The following CIMIP7 variants were observed in gnomAD, a reference collection of about 807,000 sequenced individuals.
The protein encoded by CIMIP7 is uncharacterized protein C3orf84.
the CIMIP7 span, among the ~76,000 whole-genome samples, chr3:49,184,217 T>C: frequency 6.6e-6 from 1 of 152,268 alleles, no homozygotes; most frequent in African/African-American, 2.4e-5. Flanking sequence ...CAGGCTGATC[T>C]TGAACTCTTG....
At chr3:49,190,075 G>A in the CIMIP7 span, 7 of 1,612,756 alleles carry the variant, frequency 4.3e-6, no homozygotes, top group African/African-American at 1.3e-5. Context: ...GCTGCAAGGT[G>A]GTATTCTCTA....
At chr3:49,178,477 C>T in the CIMIP7 span, 5 of 1,613,194 alleles carry the variant, frequency 3.1e-6, no homozygotes, top group South Asian at 4.4e-5. Context: ...GTCTTCGGCA[C>T]TCACTTTGTC....
At chr3:49,189,005 C>T in the CIMIP7 span, among the ~76,000 whole-genome samples, 5 of 149,568 alleles carry the variant, frequency 3.3e-5, no homozygotes, top group Non-Finnish European at 7.4e-5. Flanking sequence ...GCTCTTGTTG[C>T]CCAGGCTGGA....
the CIMIP7 span, among the ~76,000 whole-genome samples, chr3:49,189,611 T>G: frequency 6.6e-6 from 1 of 152,214 alleles, no homozygotes; most frequent in Non-Finnish European, 1.5e-5. Context: ...ACTACTTCCC[T>G]GACCAGAGGA....
chr3:49,190,171 C>T, the CIMIP7 span: 7 of 1,480,626 alleles, frequency 4.7e-6, no homozygotes, highest in South Asian at 6.9e-5. Flanking sequence ...ATAAAACTCA[C>T]TCAAATCTCC....
At chr3:49,185,247 C>G in the CIMIP7 span, among the ~76,000 whole-genome samples, 1 of 143,720 alleles carries the variant, frequency 7.0e-6, no homozygotes, top group Non-Finnish European at 1.5e-5. Context: ...GGTGACAGAG[C>G]AAGACTCTGT....
chr3:49,191,728 A>G, the CIMIP7 span: 12 of 1,594,362 alleles, frequency 7.5e-6, no homozygotes, highest in East Asian at 2.5e-4. Flanking sequence ...CAGGATTAAC[A>G]TAAAGTGCAC....
the CIMIP7 span, among the ~76,000 whole-genome samples, chr3:49,184,409 C>T: frequency 1.4e-4 from 21 of 152,308 alleles, no homozygotes; most frequent in South Asian, 4.1e-3. Context: ...GCAACCTCCA[C>T]CTCCCAGGTT....
chr3:49,187,937 C>A, the CIMIP7 span, among the ~76,000 whole-genome samples: 1 of 152,218 alleles, frequency 6.6e-6, no homozygotes, highest in East Asian at 1.9e-4. Context: ...CAAGTCCTTA[C>A]ATTGATCAGC....
chr3:49,191,717 C>A, the CIMIP7 span: 3 of 1,594,712 alleles, frequency 1.9e-6, no homozygotes, highest in Non-Finnish European at 2.5e-6. Context: ...GGGCCAGGGG[C>A]CAGGATTAAC....
At chr3:49,181,275 G>C in the CIMIP7 span, among the ~76,000 whole-genome samples, 1 of 150,420 alleles carries the variant, frequency 6.6e-6, no homozygotes, top group South Asian at 2.1e-4. Context: ...TTGGGTGGTG[G>C]AGGTTGCAGT....
chr3:49,191,466 G>T, the CIMIP7 span, among the ~76,000 whole-genome samples: 1 of 152,148 alleles, frequency 6.6e-6, no homozygotes, highest in African/African-American at 2.4e-5. Context: ...AGCTTGGGAG[G>T]CTCAAACAAT....
chr3:49,185,018 T>C, the CIMIP7 span, among the ~76,000 whole-genome samples: 15 of 151,624 alleles, frequency 9.9e-5, no homozygotes, highest in African/African-American at 2.9e-4. Context: ...GCCTGTAACT[T>C]TGGGGGGCCG....
the CIMIP7 span, among the ~76,000 whole-genome samples, chr3:49,191,419 A>G: frequency 2.0e-5 from 3 of 152,234 alleles, no homozygotes; most frequent in Non-Finnish European, 4.4e-5. Context: ...CTTTGCCCTC[A>G]AAATGTTCCC....
At chr3:49,184,928 C>T in the CIMIP7 span, among the ~76,000 whole-genome samples, 1 of 151,888 alleles carries the variant, frequency 6.6e-6, no homozygotes, top group African/African-American at 2.4e-5. Flanking sequence ...TGCGCCCGAC[C>T]TATAACATTT....
At chr3:49,186,922 A>G in the CIMIP7 span, among the ~76,000 whole-genome samples, 2 of 152,230 alleles carry the variant, frequency 1.3e-5, no homozygotes, top group Non-Finnish European at 2.9e-5. Flanking sequence ...CTGCTTATGA[A>G]TTGATAATTA....
chr3:49,180,915 G>A, the CIMIP7 span, among the ~76,000 whole-genome samples: 5 of 120,086 alleles, frequency 4.2e-5, no homozygotes, highest in African/African-American at 1.0e-4. Flanking sequence ...GGGCGACAGA[G>A]TGAGACTCCG....
At chr3:49,180,332 G>C in the CIMIP7 span, among the ~76,000 whole-genome samples, 1 of 152,136 alleles carries the variant, frequency 6.6e-6, no homozygotes, top group African/African-American at 2.4e-5. Context: ...GTTGGAGCTA[G>C]AGAGCCTTGC....
the CIMIP7 span, among the ~76,000 whole-genome samples, chr3:49,180,001 G>A: frequency 3.3e-5 from 5 of 152,064 alleles, no homozygotes; most frequent in African/African-American, 1.2e-4. Flanking sequence ...AGCCGGGCTT[G>A]GTGGCTCATG....
Sources: gnomAD v4.1 joint callset for allele counts (sites outside exome capture counted in the v4.1 genomes callset) on GRCh38, gnomAD v4.1.1 for gene constraint, MANE v1.5 for transcripts, NCBI Gene and HGNC (gene_info 2026-07-23, HGNC 2026-07-21) for gene names.